The following NTN1 variants were observed in gnomAD, a reference collection of about 807,000 sequenced individuals.
The protein encoded by NTN1 is netrin-1.
A neutral mutation model predicts 54.2 loss-of-function variants in NTN1; 11 were observed. That is an observed-to-expected ratio of 0.20 (90% CI 0.13 to 0.34). The LOEUF (loss-of-function observed/expected upper bound fraction) is 0.34, where lower values mean the gene tolerates loss of function less well. Ranked by LOEUF, NTN1 falls within the 10% of genes least tolerant of loss-of-function variation. The probability of loss-of-function intolerance (pLI) is 1.00; values close to 1 mark genes in which losing one functional copy is unlikely to be tolerated. For synonymous variants in NTN1, 371 were observed against 382.0 expected, an observed-to-expected ratio of 0.97 and a Z score of 0.33; for missense variants, 740 against 893.1, an observed-to-expected ratio of 0.83 and a Z score of 2.18.
At chr17:9,160,134 T>C (rs187623602) in intron 2 of NTN1, among the ~76,000 whole-genome samples, 160 of 152,266 alleles carry the variant, frequency 1.1e-3, no homozygotes, top group African/African-American at 3.7e-3. Context: ...TTTTGTGAGA[T>C]AGGGTCTCGC....
intron 2 of NTN1, among the ~76,000 whole-genome samples, chr17:9,161,872 G>A (rs1404939938): frequency 2.0e-5 from 3 of 152,208 alleles, no homozygotes; most frequent in African/African-American, 7.2e-5. Flanking sequence ...GAACCTGAGG[G>A]CAGGATGGTA....
At chr17:9,100,509 G>A (rs2092146979) in intron 2 of NTN1, among the ~76,000 whole-genome samples, 1 of 151,658 alleles carries the variant, frequency 6.6e-6, no homozygotes, top group African/African-American at 2.4e-5. Context: ...CACCATGTTG[G>A]CCAGGATGGT....
intron 2 of NTN1, among the ~76,000 whole-genome samples, chr17:9,026,736 C>T (rs771725884): frequency 6.6e-6 from 1 of 151,726 alleles, no homozygotes; most frequent in African/African-American, 2.4e-5. Context: ...AATCATTGTC[C>T]CCCTGACGTC....
At chr17:9,120,264 G>T (rs919189095) in intron 2 of NTN1, among the ~76,000 whole-genome samples, 16 of 142,892 alleles carry the variant, frequency 1.1e-4, no homozygotes, top group Non-Finnish European at 2.0e-4. Flanking sequence ...CAGCCTGGGT[G>T]ACAGAGCGAG....
intron 2 of NTN1, among the ~76,000 whole-genome samples, chr17:9,132,669 G>T (rs1397836570): frequency 6.6e-6 from 1 of 152,164 alleles, no homozygotes; most frequent in Non-Finnish European, 1.5e-5. Context: ...GAGGTTGGGA[G>T]TTCAAGACCA....
chr17:9,034,547 C>T (rs1207687469), intron 2 of NTN1, among the ~76,000 whole-genome samples: 3 of 151,732 alleles, frequency 2.0e-5, no homozygotes, highest in South Asian at 2.1e-4. Context: ...CTCAGCCTCC[C>T]GAGTAGCTGA....
chr17:9,178,430 A>C (rs1459990840), intron 3 of NTN1, among the ~76,000 whole-genome samples: 1 of 152,072 alleles, frequency 6.6e-6, no homozygotes, highest in African/African-American at 2.4e-5. Context: ...AATTCCTCAC[A>C]TTCTTCTCTT....
At chr17:9,027,257 T>C (rs750849492) in intron 2 of NTN1, among the ~76,000 whole-genome samples, 1 of 152,234 alleles carries the variant, frequency 6.6e-6, no homozygotes, top group Admixed American at 6.5e-5. Context: ...TTATGATTAT[T>C]GTCATTATGA....
chr17:9,033,002 G>A (rs1181548354), intron 2 of NTN1, among the ~76,000 whole-genome samples: 1 of 147,026 alleles, frequency 6.8e-6, no homozygotes, highest in African/African-American at 2.5e-5. Context: ...CATCGAGGCT[G>A]GAGTGCAATG....
At chr17:9,183,361 G>C (rs763378408) in intron 5 of NTN1, 2 of 495,910 alleles carry the variant, frequency 4.0e-6, no homozygotes, top group South Asian at 3.1e-5. Flanking sequence ...GCACAGGGTC[G>C]CACAAGCAGA....
At chr17:9,227,240 TCA>T (rs34018394) in intron 6 of NTN1, among the ~76,000 whole-genome samples, 6 of 142,538 alleles carry the variant, frequency 4.2e-5, no homozygotes, top group Middle Eastern at 4.3e-3. Flanking sequence ...ACATACACCA[TCA>T]CACACACACA....
At chr17:9,079,959 T>C (rs895408529) in intron 2 of NTN1, among the ~76,000 whole-genome samples, 4 of 150,520 alleles carry the variant, frequency 2.7e-5, no homozygotes, top group Admixed American at 2.0e-4. Context: ...AGGAAGTGGT[T>C]CCCCAGCAGG....
intron 2 of NTN1, among the ~76,000 whole-genome samples, chr17:9,050,684 A>AAAC: frequency 6.6e-6 from 1 of 151,868 alleles, no homozygotes; most frequent in African/African-American, 2.4e-5. Flanking sequence ...AAAAAAAAAA[A>AAAC]AAAAAAAACC....
intron 2 of NTN1, among the ~76,000 whole-genome samples, chr17:9,066,401 G>A (rs2092015060): frequency 1.3e-5 from 2 of 152,312 alleles, no homozygotes; most frequent in South Asian, 4.1e-4. Flanking sequence ...GGCTGAGGTG[G>A]GCGGATCACA....
chr17:9,226,172 C>G (rs1453769877), intron 6 of NTN1, among the ~76,000 whole-genome samples: 2 of 112,792 alleles, frequency 1.8e-5, no homozygotes, highest in African/African-American at 3.1e-5. Context: ...CGGGGGGGGG[C>G]CTCAGTGCCA....
intron 2 of NTN1, among the ~76,000 whole-genome samples, chr17:9,084,884 C>G (rs1442841935): frequency 6.6e-6 from 1 of 151,970 alleles, no homozygotes; most frequent in East Asian, 1.9e-4. Context: ...ATCTCCTGAC[C>G]TCGTGATCTG....
intron 6 of NTN1, among the ~76,000 whole-genome samples, chr17:9,229,664 T>A (rs1266270498): frequency 6.6e-6 from 1 of 150,780 alleles, no homozygotes; most frequent in Non-Finnish European, 1.5e-5. Context: ...GCGGGCACCG[T>A]GGTGCTGGGG....
upstream of NTN1, among the ~76,000 whole-genome samples, chr17:9,020,233 C>T (rs998406915): frequency 1.3e-5 from 2 of 152,242 alleles, no homozygotes; most frequent in Non-Finnish European, 2.9e-5. Context: ...GGAACCAGGA[C>T]CTGGGGCTTT....
At chr17:9,045,265 C>G (rs970525360) in intron 2 of NTN1, among the ~76,000 whole-genome samples, 2 of 152,164 alleles carry the variant, frequency 1.3e-5, no homozygotes, top group Non-Finnish European at 2.9e-5. Context: ...TTTGGCCTGG[C>G]AAAGGGGATT....
Sources: gnomAD v4.1 joint callset for allele counts (sites outside exome capture counted in the v4.1 genomes callset) on GRCh38, gnomAD v4.1.1 for gene constraint, MANE v1.5 for transcripts, NCBI Gene and HGNC (gene_info 2026-07-23, HGNC 2026-07-21) for gene names.